Variants in PPARG observed in about 807,000 individuals in gnomAD.
PPARG encodes peroxisome proliferator-activated receptor gamma.
Under a neutral mutation model 39.2 loss-of-function variants are expected in PPARG, and 17 were observed. The ratio of observed to expected loss-of-function variants is 0.43; its 90% CI spans 0.30 to 0.65. The LOEUF (loss-of-function observed/expected upper bound fraction) is 0.65, where lower values mean the gene tolerates loss of function less well. Among genes scored for constraint, PPARG ranks in the 30% least tolerant of loss-of-function variants. PPARG has a pLI of 0.13. For synonymous variants in PPARG, 223 were observed against 215.7 expected (o/e 1.03, Z -0.30); for missense variants, 406 against 585.9 (o/e 0.69, Z 3.17).
intron 2 of PPARG, among the ~76,000 whole-genome samples, chr3:12,330,302 T>TTTA (rs371742787): frequency 8.3e-6 from 1 of 121,054 alleles, no homozygotes; most frequent in Non-Finnish European, 1.7e-5. Flanking sequence ...CACCTTTTTT[T>TTTA]AAAAAAAAAA....
chr3:12,411,685 A>G (rs901225104), intron 6 of PPARG, among the ~76,000 whole-genome samples: 1 of 152,210 alleles, frequency 6.6e-6, no homozygotes, highest in Non-Finnish European at 1.5e-5. Flanking sequence ...CCGTTTATCC[A>G]TTAGTCAGAG....
intron 2 of PPARG, among the ~76,000 whole-genome samples, chr3:12,367,620 G>A (rs564560038): frequency 2.0e-4 from 31 of 151,912 alleles, no homozygotes; most frequent in Middle Eastern, 6.8e-3. Context: ...AGGCTGAGGC[G>A]GGAGGATTGC....
At chr3:12,304,899 A>G (rs1243953170) in intron 1 of PPARG, among the ~76,000 whole-genome samples, 1 of 152,202 alleles carries the variant, frequency 6.6e-6, no homozygotes, top group Non-Finnish European at 1.5e-5. Flanking sequence ...ATATTTAACA[A>G]CTAATGACGA....
At chr3:12,359,655 C>T (rs962753960) in intron 2 of PPARG, among the ~76,000 whole-genome samples, 7 of 150,874 alleles carry the variant, frequency 4.6e-5, no homozygotes, top group Admixed American at 2.0e-4. Flanking sequence ...CAAAACTTTT[C>T]CTACTTACTC....
At chr3:12,291,499 A>G (rs1428624550) in intron 1 of PPARG, among the ~76,000 whole-genome samples, 1 of 152,168 alleles carries the variant, frequency 6.6e-6, no homozygotes, top group Non-Finnish European at 1.5e-5. Context: ...TTCTCAAAAT[A>G]CAGAGGTAGA....
intron 2 of PPARG, among the ~76,000 whole-genome samples, chr3:12,366,214 G>A (rs2049011177): frequency 1.3e-5 from 2 of 152,020 alleles, no homozygotes; most frequent in Non-Finnish European, 2.9e-5. Flanking sequence ...TGGGGGTAAT[G>A]TGTTTTTAAT....
At chr3:12,289,444 TA>T (rs1190838934) in intron 1 of PPARG, among the ~76,000 whole-genome samples, 1 of 152,236 alleles carries the variant, frequency 6.6e-6, no homozygotes, top group Non-Finnish European at 1.5e-5. Flanking sequence ...CAGACAATGA[TA>T]AACTGAGTTG....
At chr3:12,377,622 A>G (rs1184779351) in intron 2 of PPARG, among the ~76,000 whole-genome samples, 1 of 152,188 alleles carries the variant, frequency 6.6e-6, no homozygotes. Context: ...TTTCTATTAC[A>G]CAAAAGCATT....
intron 2 of PPARG, among the ~76,000 whole-genome samples, chr3:12,338,275 C>T (rs542875883): frequency 6.6e-6 from 1 of 152,204 alleles, no homozygotes; most frequent in Non-Finnish European, 1.5e-5. Context: ...GTAACCATGA[C>T]ACTGATGAGC....
intron 7 of PPARG, among the ~76,000 whole-genome samples, chr3:12,420,425 GTGAT>G (rs1283988553): frequency 6.6e-6 from 1 of 152,224 alleles, no homozygotes; most frequent in Non-Finnish European, 1.5e-5. Context: ...CTTAACAAGA[GTGAT>G]TGTTTTCTCC....
intron 5 of PPARG, among the ~76,000 whole-genome samples, chr3:12,394,663 A>G (rs2050195230): frequency 6.6e-6 from 1 of 152,256 alleles, no homozygotes; most frequent in African/African-American, 2.4e-5. Flanking sequence ...AAACATAACT[A>G]AGAAAACCTC....
Position 12,417,043 on chromosome 3 carries a change from C to T in PPARG, c.1069C>T (p.Pro357Ser). 6.2e-7 allele frequency: 1 copy of T among 1,613,056 alleles called. No individual in the cohort carries two copies. The highest frequency in any genetic ancestry group is 8.5e-7 in the Non-Finnish European group (1 of 1,179,346). Residue 357 changes from proline (P) to serine (S), a missense_variant, in exon 7 of 8, where the codon CCT (proline) becomes TCT (serine). Coordinates refer to ENST00000651735, the MANE Select transcript of PPARG (RefSeq NM_138711.6). ...GGAGTTTCTAAAGAGCCTGCGAAAG[C>T]CTTTTGGTGACTTTATGGAGCCCAA... is the stretch of plus-strand genomic sequence containing the variant. ...TREFLKSLRKPFGDFMEPKFE... is the reference protein window; with the variant it reads ...TREFLKSLRKSFGDFMEPKFE...
At chr3:12,346,625 T>C (rs972102658) in intron 2 of PPARG, among the ~76,000 whole-genome samples, 6 of 151,996 alleles carry the variant, frequency 3.9e-5, no homozygotes, top group African/African-American at 1.4e-4. Context: ...AAGATACATT[T>C]ACTGGAGTTA....
chr3:12,323,063 C>T (rs997075888), intron 2 of PPARG, among the ~76,000 whole-genome samples: 1 of 152,100 alleles, frequency 6.6e-6, no homozygotes, highest in Non-Finnish European at 1.5e-5. Context: ...ACCTCAGCCT[C>T]CCAAAGTGTT....
At chr3:12,335,825 G>A (rs575116407) in intron 2 of PPARG, among the ~76,000 whole-genome samples, 27 of 152,074 alleles carry the variant, frequency 1.8e-4, no homozygotes, top group Admixed American at 1.4e-3. Context: ...GAAGTAGAAG[G>A]CAATGTGGGG....
intron 2 of PPARG, among the ~76,000 whole-genome samples, chr3:12,377,757 G>A (rs1002371593): frequency 1.3e-5 from 2 of 152,092 alleles, no homozygotes; most frequent in African/African-American, 4.8e-5. Context: ...TTAACAGATT[G>A]CATCAAACTA....
chr3:12,408,084 G>A (rs947202928), intron 6 of PPARG, among the ~76,000 whole-genome samples: 4 of 152,288 alleles, frequency 2.6e-5, no homozygotes, highest in Middle Eastern at 3.4e-3. Context: ...CAGAGCATTC[G>A]TAGCATGCTA....
intron 7 of PPARG, among the ~76,000 whole-genome samples, chr3:12,425,586 G>A (rs1284754347): frequency 1.3e-5 from 2 of 152,120 alleles, no homozygotes; most frequent in Non-Finnish European, 2.9e-5. Context: ...GGTAGACTTG[G>A]AAGGGATCGT....
chr3:12,312,835 A>G lies in PPARG; in HGVS notation c.-9+382A>G, dbSNP rs17036279. 2.8e-3 allele frequency among the ~76,000 whole-genome samples: 423 copies of G among 152,322 alleles called. 2 individuals carry two copies. The highest frequency in any genetic ancestry group is 9.4e-3 in the African/African-American group (391 of 41,576). On this transcript the variant is annotated intron_variant, in intron 2 of 7. Transcript: ENST00000651735. ...TTTCTTTCATGGTTCCCTATTGGCC[A>G]TGCAGTCATAATCTGTGGTCACAAA...
Sources: gnomAD v4.1 joint callset for allele counts (sites outside exome capture counted in the v4.1 genomes callset) on GRCh38, gnomAD v4.1.1 for gene constraint, MANE v1.5 for transcripts, NCBI Gene and HGNC (gene_info 2026-07-23, HGNC 2026-07-21) for gene names.